The following SEZ6 variants were observed in gnomAD, a reference collection of about 807,000 sequenced individuals.
The protein encoded by SEZ6 is seizure related 6 homolog, also known as seizure protein 6 homolog.
A neutral mutation model predicts 101.0 loss-of-function variants in SEZ6; 53 were observed. That is an observed-to-expected ratio of 0.52 (90% CI 0.42 to 0.66). The LOEUF (loss-of-function observed/expected upper bound fraction) is 0.66, where lower values mean the gene tolerates loss of function less well. Ranked by LOEUF, SEZ6 falls within the 30% of genes least tolerant of loss-of-function variation. The pLI, the probability that SEZ6 is intolerant of heterozygous loss-of-function variation, is 0.00. For missense variants in SEZ6, 1,102 were observed against 1,289.4 expected (o/e 0.85, Z 2.23); for synonymous variants, 488 against 512.2 (o/e 0.95, Z 0.64).
rs569873686 is a variant in SEZ6, at chr17:28,975,993, C to T, written c.858+3687G>A. On this transcript the variant is annotated intron_variant, in intron 3 of 16. Transcript: ENST00000317338. ...GACTGCCTGGGGAGGGGCTGGGACC[C>T]ACATGGGCTGTGAGGCTCATGCCCA... Among the ~76,000 whole-genome samples, 6 of 152,334 alleles carry T rather than the reference C, an allele frequency of 3.9e-5. No homozygotes were observed. In the South Asian group the frequency reaches 1.0e-3, roughly 26 times the overall value.
intron 3 of SEZ6, among the ~76,000 whole-genome samples, chr17:28,971,626 A>T (rs2041153477): frequency 6.6e-6 from 1 of 152,140 alleles, no homozygotes; most frequent in African/African-American, 2.4e-5. Context: ...ACAGAATCTC[A>T]GACCCACTAA....
chr17:28,978,123 A>G (rs1020667380), intron 3 of SEZ6, among the ~76,000 whole-genome samples: 4 of 152,186 alleles, frequency 2.6e-5, no homozygotes, highest in East Asian at 1.9e-4. Context: ...TCAGTCCCCA[A>G]TCCAGGGACA....
intron 3 of SEZ6, 91 bp from the exon 4 acceptor site, chr17:28,970,043 G>T: frequency 8.1e-7 from 1 of 1,234,450 alleles, no homozygotes; most frequent in Non-Finnish European, 1.1e-6. Flanking sequence ...CAGGCCCCGG[G>T]CAGATCAATC....
At chr17:28,960,427 A>G in intron 7 of SEZ6, 78 bp downstream of exon 7, 1 of 1,518,570 alleles carries the variant, frequency 6.6e-7, no homozygotes, top group South Asian at 1.2e-5. Context: ...AGAGAGGGGT[A>G]GGGTGTGGGA....
At chr17:28,985,936 C>G (rs532274922) in intron 1 of SEZ6, among the ~76,000 whole-genome samples, 2 of 152,320 alleles carry the variant, frequency 1.3e-5, no homozygotes, top group African/African-American at 4.8e-5. Flanking sequence ...TCCGCAGTTG[C>G]TCAGTCCTCC....
At chr17:28,987,062 T>C (rs1428699670) in intron 1 of SEZ6, among the ~76,000 whole-genome samples, 1 of 151,930 alleles carries the variant, frequency 6.6e-6, no homozygotes, top group East Asian at 1.9e-4. Context: ...TGACAGCGTG[T>C]GGGTACAAGG....
chr17:28,973,373 G>A (rs986895316), intron 3 of SEZ6, among the ~76,000 whole-genome samples: 1 of 152,170 alleles, frequency 6.6e-6, no homozygotes, highest in African/African-American at 2.4e-5. Context: ...GTCTTGGCTT[G>A]GCCTGGCTTT....
chr17:28,956,940 C>A, intron 13 of SEZ6, 105 bp downstream of exon 13: 1 of 1,381,538 alleles, frequency 7.2e-7, no homozygotes, highest in Non-Finnish European at 9.8e-7. Flanking sequence ...CCAAGGGTAA[C>A]ATGAAGGTGG....
chr17:28,984,997 G>A (rs573945839), intron 1 of SEZ6, among the ~76,000 whole-genome samples: 106 of 152,274 alleles, frequency 7.0e-4, no homozygotes, highest in Middle Eastern at 3.4e-3. Context: ...TGGATGCTGC[G>A]CCTCTGGGAG....
At chr17:28,977,364 A>G (rs543872976) in intron 3 of SEZ6, among the ~76,000 whole-genome samples, 2 of 152,314 alleles carry the variant, frequency 1.3e-5, no homozygotes, top group African/African-American at 4.8e-5. Context: ...ACTTCAGACT[A>G]TCTCAGGCCG....
chr17:28,956,125 T>C (rs1774071446), intron 16 of SEZ6, 34 bp downstream of exon 16: 1 of 1,591,130 alleles, frequency 6.3e-7, no homozygotes, highest in Non-Finnish European at 8.6e-7. Context: ...AACTGGGTCT[T>C]GGATAGGGTG....
At chr17:28,961,062 C>A in intron 5 of SEZ6, 89 bp from the exon 6 acceptor site, 1 of 1,495,390 alleles carries the variant, frequency 6.7e-7, no homozygotes, top group South Asian at 1.3e-5. Flanking sequence ...GCCCTATATC[C>A]TCTGCTTGGA....
chr17:28,969,049 G>A (rs1460847580), intron 4 of SEZ6, among the ~76,000 whole-genome samples: 1 of 152,196 alleles, frequency 6.6e-6, no homozygotes. Flanking sequence ...GACTTTGTGG[G>A]GTAGGTGTTT....
At chr17:28,974,240 G>A (rs973403869) in intron 3 of SEZ6, among the ~76,000 whole-genome samples, 13 of 152,120 alleles carry the variant, frequency 8.5e-5, no homozygotes, top group African/African-American at 3.1e-4. Flanking sequence ...ACCCCCAGAT[G>A]CTGGCTACAG....
At chr17:28,998,913 T>C (rs973239860) in intron 1 of SEZ6, among the ~76,000 whole-genome samples, 2 of 152,184 alleles carry the variant, frequency 1.3e-5, no homozygotes, top group African/African-American at 4.8e-5. Flanking sequence ...CTGGATCATA[T>C]AGGTGCTGTT....
At chr17:28,961,099 T>C in intron 5 of SEZ6, 126 bp from the exon 6 acceptor site, 1 of 1,203,348 alleles carries the variant, frequency 8.3e-7, no homozygotes, top group Non-Finnish European at 1.2e-6. Context: ...CTCCCTGCCA[T>C]CTTGGCCCTC....
At chr17:28,981,258 C>A in intron 2 of SEZ6, 113 bp downstream of exon 2, 3 of 1,444,052 alleles carry the variant, frequency 2.1e-6, no homozygotes, top group East Asian at 2.5e-5. Context: ...TGCAGGCTGG[C>A]CCTTGGTGCC....
At chr17:28,979,879 C>T (rs2041273432) in intron 2 of SEZ6, 66 bp from the exon 3 acceptor site, 1 of 1,216,744 alleles carries the variant, frequency 8.2e-7, no homozygotes. Context: ...TAAGGCTGAA[C>T]CGTGTGTGTG....
At chr17:28,980,922 G>A (rs1159485858) in intron 2 of SEZ6, among the ~76,000 whole-genome samples, 2 of 152,124 alleles carry the variant, frequency 1.3e-5, no homozygotes, top group Non-Finnish European at 2.9e-5. Context: ...TTGAGACAGA[G>A]TCTCGCTCTG....
Sources: gnomAD v4.1 joint callset for allele counts (sites outside exome capture counted in the v4.1 genomes callset) on GRCh38, gnomAD v4.1.1 for gene constraint, MANE v1.5 for transcripts, NCBI Gene and HGNC (gene_info 2026-07-23, HGNC 2026-07-21) for gene names.